CMTM8: variants seen among roughly 807,000 people sequenced by gnomAD.
CMTM8 encodes CKLF-like MARVEL transmembrane domain-containing protein 8.
Under a neutral mutation model 18.6 loss-of-function variants are expected in CMTM8, and 12 were observed. The observed-to-expected ratio is 0.65, with a 90% CI of 0.41 to 1.05. The LOEUF is 1.05. Ranked by LOEUF, CMTM8 falls within the 50% of genes least tolerant of loss-of-function variation. The probability of loss-of-function intolerance (pLI) is 0.00; values close to 1 mark genes in which losing one functional copy is unlikely to be tolerated. For missense variants in CMTM8, 217 were observed against 227.2 expected, an observed-to-expected ratio of 0.95 and a Z score of 0.29; for synonymous variants, 87 against 90.6, an observed-to-expected ratio of 0.96 and a Z score of 0.23.
At chr3:32,260,292 G>A in intron 1 of CMTM8, 3 of 786,700 alleles carry the variant, frequency 3.8e-6, no homozygotes, top group South Asian at 1.6e-5. Flanking sequence ...AGAGGTCATT[G>A]GAAAAAAAAA....
chr3:32,280,188 G>C (rs1041864723), intron 1 of CMTM8, among the ~76,000 whole-genome samples: 2 of 152,102 alleles, frequency 1.3e-5, no homozygotes, highest in African/African-American at 4.8e-5. Context: ...GCATAAGTGA[G>C]GGGGGAGAAT....
At chr3:32,263,881 G>A (rs1016993373) in intron 1 of CMTM8, among the ~76,000 whole-genome samples, 1 of 152,152 alleles carries the variant, frequency 6.6e-6, no homozygotes, top group Non-Finnish European at 1.5e-5. Context: ...GAAATAAAGC[G>A]AGAAGAGAAG....
rs1219604628 is a variant in CMTM8 at position 32,369,984 on chromosome 3, T to C, written c.*17T>C. Reference sequence around the variant, plus strand: ...ATACAGTGATTTACCATTTTGATAATTAAAAGGAAAAAAAAAGGAAGACTC... The same window carrying C: ...ATACAGTGATTTACCATTTTGATAACTAAAAGGAAAAAAAAAGGAAGACTC... On this transcript the variant is annotated 3_prime_UTR_variant, in exon 4 of 4. Transcript: ENST00000307526. 2 of 1,475,972 alleles carry C rather than the reference T, an allele frequency of 1.4e-6. No homozygotes were observed. 91.4% of individuals were successfully genotyped at this position (1,475,972 alleles called of 1,614,324 possible).
At chr3:32,278,204 C>T (rs1702547864) in intron 1 of CMTM8, among the ~76,000 whole-genome samples, 1 of 152,232 alleles carries the variant, frequency 6.6e-6, no homozygotes, top group African/African-American at 2.4e-5. Flanking sequence ...ATCATTTCCT[C>T]TGGCATCCTG....
rs1395060309 is a variant in CMTM8 at position 32,284,580 on chromosome 3, T to A, written c.147+45461T>A. The stretch of plus-strand genomic sequence containing the variant: ...ATATAGTATCATTTAAAAGTGGACA[T>A]AGGACTTTGAGTAGACATTCTAGGT... On this transcript the variant is annotated intron_variant, in intron 1 of 3. Transcript: ENST00000307526. 2.6e-5 allele frequency among the ~76,000 whole-genome samples: 4 copies of A among 152,174 alleles called. No homozygotes were observed. The East Asian group carries it at 5.8e-4, about 22-fold the overall frequency.
At chr3:32,274,622 AG>A (rs1215392368) in intron 1 of CMTM8, among the ~76,000 whole-genome samples, 2 of 152,200 alleles carry the variant, frequency 1.3e-5, no homozygotes, top group Non-Finnish European at 2.9e-5. Flanking sequence ...AAAGGACAAA[AG>A]TATTCTCCTG....
intron 1 of CMTM8, among the ~76,000 whole-genome samples, chr3:32,244,340 C>T (rs1039644206): frequency 1.3e-5 from 2 of 152,230 alleles, no homozygotes; most frequent in Admixed American, 6.5e-5. Flanking sequence ...CAGACATGCA[C>T]TGCCAATTCT....
intron 1 of CMTM8, among the ~76,000 whole-genome samples, chr3:32,251,011 A>G (rs1213805363): frequency 6.6e-6 from 1 of 152,216 alleles, no homozygotes; most frequent in Non-Finnish European, 1.5e-5. Context: ...TGTTGCTGCC[A>G]AAGTTATACA....
chr3:32,282,941 A>G (rs1269259819), intron 1 of CMTM8, among the ~76,000 whole-genome samples: 2 of 152,178 alleles, frequency 1.3e-5, no homozygotes, highest in Non-Finnish European at 2.9e-5. Flanking sequence ...CTGTGTAATA[A>G]GTTAACCCTT....
intron 1 of CMTM8, among the ~76,000 whole-genome samples, chr3:32,332,966 A>G (rs1005560310): frequency 1.3e-5 from 2 of 152,200 alleles, no homozygotes; most frequent in East Asian, 3.8e-4. Flanking sequence ...GTATTCTTAT[A>G]AAACAAGAAG....
intron 1 of CMTM8, among the ~76,000 whole-genome samples, chr3:32,242,525 G>T (rs1185759641): frequency 6.6e-6 from 1 of 151,946 alleles, no homozygotes; most frequent in African/African-American, 2.4e-5. Context: ...ACAGGGTTTC[G>T]CCATGTTGCT....
At chr3:32,329,938 CATTTCTCTG>C (rs1434234282) in intron 1 of CMTM8, among the ~76,000 whole-genome samples, 4 of 152,112 alleles carry the variant, frequency 2.6e-5, no homozygotes, top group Non-Finnish European at 5.9e-5. Flanking sequence ...AATCAGTTGG[CATTTCTCTG>C]CACTAACAAT....
intron 1 of CMTM8, among the ~76,000 whole-genome samples, chr3:32,270,440 A>G (rs1439334624): frequency 1.3e-5 from 2 of 152,336 alleles, no homozygotes; most frequent in African/African-American, 2.4e-5. Context: ...TTGCAGCACT[A>G]TTCACAATAG....
At chr3:32,297,337 C>A (rs1702898401) in intron 1 of CMTM8, among the ~76,000 whole-genome samples, 1 of 152,152 alleles carries the variant, frequency 6.6e-6, no homozygotes, top group Non-Finnish European at 1.5e-5. Flanking sequence ...CGCCACTGCA[C>A]CCAGCTAATT....
chr3:32,306,873 G>A (rs1695725491), intron 1 of CMTM8, among the ~76,000 whole-genome samples: 1 of 152,188 alleles, frequency 6.6e-6, no homozygotes, highest in African/African-American at 2.4e-5. Flanking sequence ...CTCATTGGAA[G>A]CTGACTTAGG....
At chr3:32,335,906 C>T (rs1696376569) in intron 1 of CMTM8, among the ~76,000 whole-genome samples, 2 of 152,124 alleles carry the variant, frequency 1.3e-5, no homozygotes, top group Non-Finnish European at 2.9e-5. Flanking sequence ...TTACTTCCTG[C>T]ACTCAGAGGC....
At chr3:32,276,314 G>A (rs981303326) in intron 1 of CMTM8, among the ~76,000 whole-genome samples, 1 of 152,194 alleles carries the variant, frequency 6.6e-6, no homozygotes, top group African/African-American at 2.4e-5. Context: ...CAAACCAGAA[G>A]CAGCTCCCTA....
intron 1 of CMTM8, among the ~76,000 whole-genome samples, chr3:32,264,792 G>A (rs1043675539): frequency 9.2e-5 from 14 of 152,218 alleles, no homozygotes; most frequent in East Asian, 3.9e-4. Context: ...AAAAAGGCAG[G>A]TGTTGCAATC....
intron 1 of CMTM8, among the ~76,000 whole-genome samples, chr3:32,325,439 G>A (rs1484822105): frequency 6.6e-6 from 1 of 152,184 alleles, no homozygotes; most frequent in Non-Finnish European, 1.5e-5. Flanking sequence ...TAGGGGAGGG[G>A]ACCTCTCTTT....
Sources: gnomAD v4.1 joint callset for allele counts (sites outside exome capture counted in the v4.1 genomes callset) on GRCh38, gnomAD v4.1.1 for gene constraint, MANE v1.5 for transcripts, NCBI Gene and HGNC (gene_info 2026-07-23, HGNC 2026-07-21) for gene names.